The following FAR2 variants were observed in gnomAD, a reference collection of about 807,000 sequenced individuals.
FAR2 encodes fatty acyl-CoA reductase 2.
FAR2 carries 19 observed loss-of-function variants against 56.0 expected under a neutral mutation model. That is an observed-to-expected ratio of 0.34 (90% CI 0.24 to 0.50). The LOEUF (loss-of-function observed/expected upper bound fraction) is 0.50. Ranked by LOEUF, FAR2 falls within the 20% of genes least tolerant of loss-of-function variation. The probability of loss-of-function intolerance (pLI) is 0.98; values close to 1 mark genes in which losing one functional copy is unlikely to be tolerated. For missense variants in FAR2, 508 were observed against 642.2 expected, an observed-to-expected ratio of 0.79 and a Z score of 2.26; for synonymous variants, 219 against 218.8, an observed-to-expected ratio of 1.00 and a Z score of -0.01.
chr12:29,227,447 T>C (rs1177104052), intron 1 of FAR2, among the ~76,000 whole-genome samples: 1 of 152,200 alleles, frequency 6.6e-6, no homozygotes, highest in African/African-American at 2.4e-5. Flanking sequence ...CTTTCATCTT[T>C]CTTAGGGTCA....
At chr12:29,152,141 A>G (rs996217379) in intron 1 of FAR2, among the ~76,000 whole-genome samples, 4 of 152,250 alleles carry the variant, frequency 2.6e-5, no homozygotes, top group African/African-American at 4.8e-5. Context: ...TGGATCCCAA[A>G]GGTAGTTATT....
chr12:29,188,402 A>G (rs1345676996), intron 1 of FAR2, among the ~76,000 whole-genome samples: 1 of 152,120 alleles, frequency 6.6e-6, no homozygotes, highest in Non-Finnish European at 1.5e-5. Flanking sequence ...TTTACCCTAC[A>G]GTGTAAAAGC....
intron 1 of FAR2, among the ~76,000 whole-genome samples, chr12:29,223,342 G>C (rs1947720841): frequency 6.6e-6 from 1 of 152,192 alleles, no homozygotes; most frequent in South Asian, 2.1e-4. Context: ...AAAACTGGGA[G>C]GTAGGTAGGA....
At chr12:29,317,618 G>A (rs1328027396) in intron 9 of FAR2, 4 of 152,566 alleles carry the variant, frequency 2.6e-5, no homozygotes, top group Admixed American at 6.5e-5. Flanking sequence ...TCATTCATGC[G>A]AAAAGAAAAG....
At chr12:29,257,930 C>G (rs990940931) in intron 1 of FAR2, among the ~76,000 whole-genome samples, 1 of 152,156 alleles carries the variant, frequency 6.6e-6, no homozygotes, top group African/African-American at 2.4e-5. Context: ...CCTAAATTGC[C>G]TTTTGAAAAT....
At chr12:29,304,129 T>C (rs1347532543) in intron 4 of FAR2, among the ~76,000 whole-genome samples, 2 of 152,222 alleles carry the variant, frequency 1.3e-5, no homozygotes, top group African/African-American at 4.8e-5. Context: ...CTTCCAATTT[T>C]GCTTCCTGCT....
rs574880849 is a variant in FAR2, at chr12:29,257,832, G to A, written c.-38-12580G>A. On this transcript the variant is annotated intron_variant, in intron 1 of 11. Transcript: ENST00000536681. ...TTAAGAACTGTAACACTCACCACGA[G>A]GGTCCGGGGCTTCATTCTTGAAGTC... 3.1e-4 allele frequency among the ~76,000 whole-genome samples: 47 copies of A among 152,210 alleles called. No homozygotes were observed. The East Asian group carries it at 8.7e-3, about 28-fold the overall frequency.
At chr12:29,181,619 A>T (rs1019568996) in intron 1 of FAR2, among the ~76,000 whole-genome samples, 2 of 152,080 alleles carry the variant, frequency 1.3e-5, no homozygotes, top group Non-Finnish European at 2.9e-5. Flanking sequence ...AAATTCAGTG[A>T]CACCCATCAG....
chr12:29,157,613 A>ATAATAT (rs1386535575), intron 1 of FAR2, among the ~76,000 whole-genome samples: 1 of 152,198 alleles, frequency 6.6e-6, no homozygotes, highest in African/African-American at 2.4e-5. Context: ...GGAGGCAAGA[A>ATAATAT]TAATATTTCC....
chr12:29,163,204 C>T (rs556792601), intron 1 of FAR2, among the ~76,000 whole-genome samples: 5 of 152,108 alleles, frequency 3.3e-5, no homozygotes, highest in African/African-American at 4.8e-5. Context: ...GATGTGTGAC[C>T]GTGGACAAAT....
chr12:29,291,327 G>A (rs187354265), intron 2 of FAR2: 2 of 453,902 alleles, frequency 4.4e-6, no homozygotes, highest in African/African-American at 4.0e-5. Flanking sequence ...AATTTCCTAG[G>A]TTACACACAA....
chr12:29,298,036 C>CAAAAAAAAA (rs71042980), intron 4 of FAR2, among the ~76,000 whole-genome samples: 2 of 123,598 alleles, frequency 1.6e-5, no homozygotes, highest in South Asian at 2.6e-4. Flanking sequence ...AACTCCGTCT[C>CAAAAAAAAA]AAAAAAAAAA....
intron 1 of FAR2, among the ~76,000 whole-genome samples, chr12:29,258,673 T>C (rs558145435): frequency 8.5e-5 from 13 of 152,352 alleles, no homozygotes; most frequent in Non-Finnish European, 1.3e-4. Context: ...AACAGAATTA[T>C]CTGAAAATGA....
chr12:29,153,825 A>G (rs796636326), intron 1 of FAR2, among the ~76,000 whole-genome samples: 9 of 152,262 alleles, frequency 5.9e-5, no homozygotes, highest in African/African-American at 2.2e-4. Context: ...CAGAAAGAAG[A>G]GTGGGAATGA....
chr12:29,287,585 C>T (rs752862205), intron 2 of FAR2, among the ~76,000 whole-genome samples: 1 of 151,286 alleles, frequency 6.6e-6, no homozygotes, highest in Admixed American at 6.6e-5. Context: ...ACAGAGATTG[C>T]CCCTTAGTTT....
At position 29,312,059 on chromosome 12, in the gene FAR2, G is replaced by T. The variant is rs1949361174; in HGVS notation, c.955+109G>T. On this transcript the variant is annotated intron_variant, in intron 8 of 11. Transcript: ENST00000536681. ...GCTTATATGGGGAGAAAGACAAAAA[G>T]TAAGTAAAGAGACAAAATAATGAGA... The T allele has an allele frequency of 4.3e-6, 3 of 696,130 alleles. No homozygotes were observed. The South Asian group carries it at 6.2e-5, about 14-fold the overall frequency. 43.1% of individuals were successfully genotyped at this position (696,130 alleles called of 1,614,324 possible).
intron 1 of FAR2, among the ~76,000 whole-genome samples, chr12:29,159,521 G>A (rs201613275): frequency 7.9e-5 from 11 of 139,868 alleles, no homozygotes; most frequent in South Asian, 2.3e-4. Flanking sequence ...CTCTGTCTCG[G>A]AAAAAAAAAA....
In FAR2 at chr12:29,253,379, A is replaced by C. The variant is rs558309573; in HGVS notation, c.-38-17033A>C. On this transcript the variant is annotated intron_variant, in intron 1 of 11. Coordinates refer to ENST00000536681, the MANE Select transcript of FAR2 (RefSeq NM_001271783.2). ...TCTATACAGATATCTATCTATCTAGATAGATAGATAGATATCTAGATAGAT... is the reference window on the plus strand; with the variant it reads ...TCTATACAGATATCTATCTATCTAGCTAGATAGATAGATATCTAGATAGAT... Among the ~76,000 whole-genome samples, 145 of 145,148 alleles carry C rather than the reference A, an allele frequency of 1.0e-3. 1 individual carries two copies. The highest frequency in any genetic ancestry group is 3.6e-3 in the Middle Eastern group (1 of 276).
At chr12:29,223,538 A>T (rs1947723451) in intron 1 of FAR2, 1 of 152,332 alleles carries the variant, frequency 6.6e-6, no homozygotes, top group South Asian at 2.1e-4. Context: ...CACCATAGAG[A>T]TAACCAAATT....
Sources: allele counts gnomAD v4.1 joint callset (sites outside exome capture counted in the v4.1 genomes callset), GRCh38; gene constraint gnomAD v4.1.1; transcripts MANE v1.5; gene names NCBI Gene and HGNC (gene_info 2026-07-23, HGNC 2026-07-21).